APBA1: variants seen among roughly 807,000 people sequenced by gnomAD.
The protein encoded by APBA1 is amyloid beta precursor protein binding family A member 1.
A neutral mutation model predicts 86.6 loss-of-function variants in APBA1; 55 were observed. The observed-to-expected ratio is 0.64, with a 90% confidence interval of 0.51 to 0.80. The LOEUF (loss-of-function observed/expected upper bound fraction) is 0.80. Among genes scored for constraint, APBA1 ranks in the 30% least tolerant of loss-of-function variants. The pLI is 0.00. For missense variants in APBA1, 1,090 were observed against 1,183.0 expected, an observed-to-expected ratio of 0.92 and a Z score of 1.15; for synonymous variants, 511 against 493.9, an observed-to-expected ratio of 1.03 and a Z score of -0.46.
chr9:69,636,918 G>GGAAA (rs1491565936), intron 1 of APBA1, among the ~76,000 whole-genome samples: 47 of 84,950 alleles, frequency 5.5e-4, no homozygotes, highest in Non-Finnish European at 2.1e-4. Flanking sequence ...AAGGAAGGAA[G>GGAAA]GAAGGAAAGA....
rs73647253 is a variant in APBA1, at chr9:69,562,189, A to G, written c.-69-44910T>C. On this transcript the variant is annotated intron_variant, in intron 1 of 12. Coordinates refer to ENST00000265381, the MANE Select transcript of APBA1 (RefSeq NM_001163.4). Reference sequence around the variant, plus strand: ...AACGTATACGTGTAAAGCATTACACAGTATCCCACAAACATGTATGACTAT... The same window carrying G: ...AACGTATACGTGTAAAGCATTACACGGTATCCCACAAACATGTATGACTAT... 6.4e-3 allele frequency among the ~76,000 whole-genome samples: 981 copies of G among 152,324 alleles called. 18 individuals carry two copies. Among genetic ancestry groups the G allele is most frequent in the African/African-American group, 0.023 (937 of 41,588 alleles).
At chr9:69,603,401 G>T (rs1370489999) in intron 1 of APBA1, among the ~76,000 whole-genome samples, 1 of 152,182 alleles carries the variant, frequency 6.6e-6, no homozygotes, top group East Asian at 1.9e-4. Flanking sequence ...GGCTTTGCAG[G>T]CTTTGACCTC....
At chr9:69,435,491 CTGGTG>C (rs1223866038) in intron 11 of APBA1, among the ~76,000 whole-genome samples, 2 of 152,138 alleles carry the variant, frequency 1.3e-5, no homozygotes, top group Admixed American at 6.5e-5. Flanking sequence ...GCCATTCTAA[CTGGTG>C]TGAGATGGTA....
intron 10 of APBA1, among the ~76,000 whole-genome samples, chr9:69,441,507 G>T (rs901156794): frequency 2.6e-5 from 4 of 152,194 alleles, no homozygotes; most frequent in Admixed American, 6.5e-5. Flanking sequence ...ACATGAGTGG[G>T]AAATGGACTT....
chr9:69,450,851 A>T (rs995680444), intron 9 of APBA1, among the ~76,000 whole-genome samples: 8 of 152,114 alleles, frequency 5.3e-5, no homozygotes, highest in Admixed American at 4.6e-4. Flanking sequence ...ATTTGGACAT[A>T]GGGACATGCA....
intron 2 of APBA1, among the ~76,000 whole-genome samples, chr9:69,484,551 C>A (rs1326425017): frequency 6.6e-6 from 1 of 152,162 alleles, no homozygotes; most frequent in African/African-American, 2.4e-5. Context: ...AAAGTTCACC[C>A]TCATTCTTTC....
intron 1 of APBA1, among the ~76,000 whole-genome samples, chr9:69,651,452 C>A (rs377088537): frequency 2.2e-4 from 34 of 152,110 alleles, no homozygotes; most frequent in East Asian, 1.4e-3. Flanking sequence ...TCTTCCCGAC[C>A]AGTAATTTAA....
rs1460472929 is a variant in APBA1, at chr9:69,516,098, G to A, written c.1113C>T (p.Pro371=). Residue 371 remains proline, a synonymous_variant, in exon 2 of 13, where the codon CCC becomes CCT. Transcript: ENST00000265381. This position sits in a 1 kb window ranked among gnomAD's most constrained non-coding sequence, Gnocchi z 7.3. ...KTRTIRSPYT[P]DEPKEPIWVM... Reference sequence around the variant, plus strand: ...CCCAGATGGGCTCTTTGGGCTCGTCGGGGGTGTAAGGCGAACGGATGGTCC... The same window carrying A: ...CCCAGATGGGCTCTTTGGGCTCGTCAGGGGTGTAAGGCGAACGGATGGTCC... 1.2e-6 allele frequency: 2 copies of A among 1,613,182 alleles called. No homozygotes were observed. Among genetic ancestry groups the A allele is most frequent in the African/African-American group, 1.3e-5 (1 of 74,856 alleles).
intron 2 of APBA1, among the ~76,000 whole-genome samples, chr9:69,502,319 C>T (rs567184963): frequency 2.6e-5 from 4 of 152,092 alleles, no homozygotes; most frequent in East Asian, 1.9e-4. Context: ...AGAGCTGAAC[C>T]GACAGGTGAA....
At chr9:69,639,572 A>G (rs1197264962) in intron 1 of APBA1, among the ~76,000 whole-genome samples, 1 of 152,204 alleles carries the variant, frequency 6.6e-6, no homozygotes, top group Non-Finnish European at 1.5e-5. Context: ...CCAAAATGAA[A>G]TGGATTAAAA....
At chr9:69,523,463 GTATATATATATA>G (rs1396175369) in intron 1 of APBA1, among the ~76,000 whole-genome samples, 2 of 109,190 alleles carry the variant, frequency 1.8e-5, no homozygotes, top group South Asian at 2.9e-4. Context: ...TCATGTATGT[GTATATATATATA>G]TGTATATATA....
intron 12 of APBA1, among the ~76,000 whole-genome samples, chr9:69,432,260 C>T (rs1261023745): frequency 6.6e-6 from 1 of 152,176 alleles, no homozygotes; most frequent in African/African-American, 2.4e-5. Context: ...TACAGAAAAG[C>T]AACAGAAAGC....
chr9:69,468,070 G>A (rs1030623829), intron 4 of APBA1, 102 bp from the exon 5 acceptor site: 1 of 1,440,266 alleles, frequency 6.9e-7, no homozygotes, highest in Admixed American at 1.8e-5. Context: ...TGCTGGCACA[G>A]GTGAGGCAGA....
chr9:69,663,563 G>A (rs1478555760), intron 1 of APBA1, among the ~76,000 whole-genome samples: 1 of 152,148 alleles, frequency 6.6e-6, no homozygotes, highest in African/African-American at 2.4e-5. Flanking sequence ...AATAAAGTGT[G>A]CCTGTTAATA....
intron 10 of APBA1, among the ~76,000 whole-genome samples, chr9:69,444,342 C>CCATCGTCCCCATCGACA (rs1834873871): frequency 6.6e-6 from 1 of 152,162 alleles, no homozygotes; most frequent in Non-Finnish European, 1.5e-5. Flanking sequence ...GCGGCAGATC[C>CCATCGTCCCCATCGACA]CATCGTCCCC....
rs141762610 is a variant in APBA1, at chr9:69,525,287, A to T, written c.-69-8008T>A. Among the ~76,000 whole-genome samples, 537 of 152,246 alleles carry T rather than the reference A, an allele frequency of 3.5e-3. 6 individuals carry two copies. The South Asian group carries it at 0.05, about 14-fold the overall frequency. On this transcript the variant is annotated intron_variant, in intron 1 of 12. Transcript: ENST00000265381. ...TCAAAATAGGGAAAGAAGAAGTCAA[A>T]ACTCTCTCTTTTCCCTGACAATGTG...
At chr9:69,464,590 A>G (rs1277703800) in intron 5 of APBA1, 2 of 152,228 alleles carry the variant, frequency 1.3e-5, no homozygotes, top group African/African-American at 4.8e-5. Flanking sequence ...CGGGATACCA[A>G]TCCTTTGGAA....
chr9:69,445,228 C>T (rs527341653), intron 10 of APBA1, among the ~76,000 whole-genome samples: 2 of 152,226 alleles, frequency 1.3e-5, no homozygotes, highest in East Asian at 3.9e-4. Context: ...ATTTGGGATG[C>T]CTGATCTGTC....
intron 1 of APBA1, among the ~76,000 whole-genome samples, chr9:69,609,324 G>GA (rs1012785607): frequency 6.6e-6 from 1 of 152,102 alleles, no homozygotes; most frequent in Admixed American, 6.5e-5. Flanking sequence ...AAAAGACCCT[G>GA]AAAAAACACA....
Sources: gnomAD v4.1 joint callset for allele counts (sites outside exome capture counted in the v4.1 genomes callset) on GRCh38, gnomAD v4.1.1 for gene constraint, Gnocchi (gnomAD v3.1) non-coding constraint, MANE v1.5 for transcripts, NCBI Gene and HGNC (gene_info 2026-07-23, HGNC 2026-07-21) for gene names.